SDR42E1: variants seen among roughly 807,000 people sequenced by gnomAD.
SDR42E1 encodes short-chain dehydrogenase/reductase family 42E member 1.
In SDR42E1, 5 loss-of-function variants were observed where a neutral mutation model predicts 2.6. That is an observed-to-expected ratio of 1.94 (90% CI 1.01 to 4.08). The LOEUF (loss-of-function observed/expected upper bound fraction) is 4.08, where lower values mean the gene tolerates loss of function less well. Among genes scored for constraint, SDR42E1 ranks in the 30% most tolerant of loss-of-function variants. The pLI, the probability that SDR42E1 is intolerant of heterozygous loss-of-function variation, is 0.00. For missense variants in SDR42E1, 596 were observed against 478.6 expected (o/e 1.25, Z -2.29); for synonymous variants, 231 against 188.3 (o/e 1.23, Z -1.86).
rs1489899027 is a variant in SDR42E1, at chr16:81,998,782, G to A, written c.*329C>T. 1 of 287,332 alleles carries A rather than the reference G, an allele frequency of 3.5e-6. No individual in the cohort carries two copies. Among genetic ancestry groups the A allele is most frequent in the Admixed American group, 4.8e-5 (1 of 20,724 alleles). The allele number at this position is 287,332 out of a possible 1,614,324, so 17.8% of individuals were successfully genotyped here. On this transcript the variant is annotated 3_prime_UTR_variant, in exon 3 of 3. Coordinates refer to ENST00000328945, the MANE Select transcript of SDR42E1 (RefSeq NM_145168.3). ...TGCAGACTGCATAAAATGGAAATAA[G>A]TATATCTTGCCCTCTCAGAAATTCA... is the stretch of plus-strand genomic sequence containing the variant.
rs139909981 is a variant in SDR42E1, at chr16:81,992,475, C to T, written c.*6636G>A. ...CCTAGTGACTGTTAAGAGCAAAAGA[C>T]GACTCATTCTTATAACATATATACA... On this transcript the variant is annotated 3_prime_UTR_variant, in exon 3 of 3. Transcript: ENST00000328945. 17 of 152,118 alleles carry T rather than the reference C, an allele frequency of 1.1e-4. No homozygotes were observed. The East Asian group carries it at 1.5e-3, about 14-fold the overall frequency. The allele number at this position is 152,118 out of a possible 1,614,324, so 9.4% of individuals were successfully genotyped here.
rs1188470586 is a variant in SDR42E1 at position 81,998,991 on chromosome 16, C to T, written c.*120G>A. On this transcript the variant is annotated 3_prime_UTR_variant, in exon 3 of 3. Coordinates refer to ENST00000328945, the MANE Select transcript of SDR42E1 (RefSeq NM_145168.3). The stretch of plus-strand genomic sequence containing the variant: ...TAAAGATTCAATCCAAGAACCTATT[C>T]TTAAGTAGCAATTTGAAGAGCCAAT... The T allele has an allele frequency of 3.9e-6, 4 of 1,027,796 alleles. No individual in the cohort carries two copies. The highest frequency in any genetic ancestry group is 4.2e-6 in the Non-Finnish European group (3 of 717,414). 63.7% of individuals were successfully genotyped at this position (1,027,796 alleles called of 1,614,324 possible). A position where few individuals can be genotyped will look rare whatever the true frequency, so the allele number is the denominator to read the frequency against.
chr16:82,011,022 C>T (rs1161645889), intron 1 of SDR42E1, among the ~76,000 whole-genome samples: 2 of 152,148 alleles, frequency 1.3e-5, no homozygotes, highest in Non-Finnish European at 2.9e-5. Flanking sequence ...AAGTGGCAAA[C>T]CAGAACCAAG....
In SDR42E1 at chr16:81,998,459, T is replaced by G. The variant is rs1404808588; in HGVS notation, c.*652A>C. The G allele has an allele frequency of 6.6e-6, 1 of 152,532 alleles. No homozygotes were observed. The highest frequency in any genetic ancestry group is 1.5e-5 in the Non-Finnish European group (1 of 68,342). The allele number at this position is 152,532 out of a possible 1,614,324, so 9.4% of individuals were successfully genotyped here. A position where few individuals can be genotyped will look rare whatever the true frequency, so the allele number is the denominator to read the frequency against. On this transcript the variant is annotated 3_prime_UTR_variant, in exon 3 of 3. Transcript: ENST00000328945. Reference sequence around the variant, plus strand: ...TTCTGATAAAAAGAATGGCTATGTGTGTTGAGGAGCGCTTTGTATGCTTGA... The same window carrying G: ...TTCTGATAAAAAGAATGGCTATGTGGGTTGAGGAGCGCTTTGTATGCTTGA...
chr16:82,002,265 G>T (rs1379114587), intron 1 of SDR42E1, among the ~76,000 whole-genome samples: 2 of 152,104 alleles, frequency 1.3e-5, no homozygotes, highest in African/African-American at 4.8e-5. Flanking sequence ...AAAAATATGG[G>T]GGACAGGAAT....
At chr16:82,004,907 C>T (rs1264144191) in intron 1 of SDR42E1, among the ~76,000 whole-genome samples, 1 of 152,130 alleles carries the variant, frequency 6.6e-6, no homozygotes, top group Non-Finnish European at 1.5e-5. Flanking sequence ...GCGTGCTGCA[C>T]CCAGGTGATG....
chr16:82,008,034 C>T (rs1026125560), intron 1 of SDR42E1, among the ~76,000 whole-genome samples: 38 of 152,106 alleles, frequency 2.5e-4, no homozygotes, highest in African/African-American at 5.8e-4. Context: ...ATCATGGGGG[C>T]GGGTCTTTCC....
chr16:81,992,008 T>A lies in SDR42E1; in HGVS notation c.*7103A>T. Reference sequence around the variant, plus strand: ...AAATCACCGCTAATTAAACAAAAATTAGCCGGTTGTGGTGGTGGGCGCCTG... The same window carrying A: ...AAATCACCGCTAATTAAACAAAAATAAGCCGGTTGTGGTGGTGGGCGCCTG... On this transcript the variant is annotated 3_prime_UTR_variant, in exon 3 of 3. Coordinates refer to ENST00000328945, the MANE Select transcript of SDR42E1 (RefSeq NM_145168.3). 6.6e-6 allele frequency: 1 copy of A among 151,962 alleles called. No individual in the cohort carries two copies. Among genetic ancestry groups the A allele is most frequent in the Non-Finnish European group, 1.5e-5 (1 of 68,002 alleles). The allele number at this position is 151,962 out of a possible 1,614,324, so 9.4% of individuals were successfully genotyped here. A position where few individuals can be genotyped will look rare whatever the true frequency, so the allele number is the denominator to read the frequency against.
chr16:82,009,371 G>A (rs1882551401), intron 1 of SDR42E1, among the ~76,000 whole-genome samples: 1 of 152,232 alleles, frequency 6.6e-6, no homozygotes, highest in African/African-American at 2.4e-5. Flanking sequence ...GCCAGCCCTG[G>A]AAGCAGCCAA....
intron 1 of SDR42E1, among the ~76,000 whole-genome samples, chr16:82,004,064 G>GAGAC (rs1285203377): frequency 1.3e-5 from 2 of 152,212 alleles, no homozygotes; most frequent in African/African-American, 4.8e-5. Flanking sequence ...AAACCCAAAC[G>GAGAC]AGACAGAGGT....
At chr16:82,008,645 G>C (rs1284083052) in intron 1 of SDR42E1, among the ~76,000 whole-genome samples, 1 of 152,208 alleles carries the variant, frequency 6.6e-6, no homozygotes, top group East Asian at 1.9e-4. Flanking sequence ...TCTGGGGTAA[G>C]AAATTTCTAA....
rs1347459054 is a variant in SDR42E1, at chr16:81,996,315, A to G, written c.*2796T>C. 2 of 152,260 alleles carry G rather than the reference A, an allele frequency of 1.3e-5. No homozygotes were observed. Among genetic ancestry groups the G allele is most frequent in the African/African-American group, 4.8e-5 (2 of 41,446 alleles). 9.4% of individuals were successfully genotyped at this position (152,260 alleles called of 1,614,324 possible). A position where few individuals can be genotyped will look rare whatever the true frequency, so the allele number is the denominator to read the frequency against. ...AATCTATGGGAGAGAAGGTACACCT[A>G]TACCTTGGGCAGTTTTAAGGCATGA... On this transcript the variant is annotated 3_prime_UTR_variant, in exon 3 of 3. Coordinates refer to ENST00000328945, the MANE Select transcript of SDR42E1 (RefSeq NM_145168.3).
rs1372682433 is a variant in SDR42E1 at position 81,999,796 on chromosome 16, G to A, written c.497C>T (p.Ala166Val). 2 of 1,614,074 alleles carry A rather than the reference G, an allele frequency of 1.2e-6. No homozygotes were observed. The highest frequency in any genetic ancestry group is 1.3e-5 in the African/African-American group (1 of 74,930). The change falls in exon 3 of 3, where the codon GCG becomes GTG. Residue 166 changes from alanine (A) to valine (V), a missense_variant. Ala to Val is a moderately conservative substitution (Grantham distance 64, BLOSUM62 0). Coordinates refer to ENST00000328945, the MANE Select transcript of SDR42E1 (RefSeq NM_145168.3). ...GCCTCTGTCCAGGGGTGTAGCATTC[G>A]CCTCCAGCACCTTCTGCTCTGCAAT... ...KSIAEQKVLE[A>V]NATPLDRGDG...
chr16:81,999,089 C>A lies in SDR42E1; in HGVS notation c.*22G>T. ...GAGAACCATCTCAGCCAACTGTGAT[C>A]ACCTTATTTCTGGCCCCTCCTTCAC... On this transcript the variant is annotated 3_prime_UTR_variant, in exon 3 of 3. Transcript: ENST00000328945. 6.2e-7 allele frequency: 1 copy of A among 1,601,632 alleles called. No homozygotes were observed. Among genetic ancestry groups the A allele is most frequent in the Admixed American group, 1.7e-5 (1 of 58,576 alleles).
Position 81,991,270 on chromosome 16 carries a change from G to A in SDR42E1, c.*7841C>T, listed in dbSNP as rs1353251028. ...TACATACTCACATGACAAAATAATG[G>A]TTTGCTTCTGTAACTTAGTTTGTGT... On this transcript the variant is annotated 3_prime_UTR_variant, in exon 3 of 3. Transcript: ENST00000328945. 1 of 152,068 alleles carries A rather than the reference G, an allele frequency of 6.6e-6. No individual in the cohort carries two copies. Among genetic ancestry groups the A allele is most frequent in the Non-Finnish European group, 1.5e-5 (1 of 68,018 alleles). 9.4% of individuals were successfully genotyped at this position (152,068 alleles called of 1,614,324 possible). A position where few individuals can be genotyped will look rare whatever the true frequency, so the allele number is the denominator to read the frequency against.
chr16:82,000,423 A>G (rs1473391308), intron 2 of SDR42E1, 199 bp from the exon 3 acceptor site: 2 of 733,142 alleles, frequency 2.7e-6, no homozygotes, highest in Non-Finnish European at 4.8e-6. Context: ...ATCTACTTAA[A>G]TTACAAAGAG....
In SDR42E1 at chr16:81,992,513, T is replaced by C. The variant is rs1912450512; in HGVS notation, c.*6598A>G. The C allele has an allele frequency of 6.6e-6, 1 of 151,632 alleles. No homozygotes were observed. Among genetic ancestry groups the C allele is most frequent in the South Asian group, 2.1e-4 (1 of 4,824 alleles). 9.4% of individuals were successfully genotyped at this position (151,632 alleles called of 1,614,324 possible). On this transcript the variant is annotated 3_prime_UTR_variant, in exon 3 of 3. Transcript: ENST00000328945. ...TAACATATATACATATGTTAAAATA[T>C]ATATATGGGTAAGACAGTATTTTAC...
In SDR42E1 at chr16:81,990,173, G is replaced by C. The variant is rs1410414659; in HGVS notation, c.*8938C>G. ...CAAAAGACGACAGAAAAATTAGCTA[G>C]GTGTGCTGGTGCACCTGTGGTTCTA... is the stretch of plus-strand genomic sequence containing the variant. On this transcript the variant is annotated 3_prime_UTR_variant, in exon 3 of 3. Transcript: ENST00000328945. 6.6e-6 allele frequency: 1 copy of C among 152,268 alleles called. No homozygotes were observed. Among genetic ancestry groups the C allele is most frequent in the African/African-American group, 2.4e-5 (1 of 41,428 alleles). 9.4% of individuals were successfully genotyped at this position (152,268 alleles called of 1,614,324 possible).
chr16:82,000,122 G>A lies in SDR42E1; in HGVS notation c.171C>T (p.Asp57=), dbSNP rs1411087018. ...TCTCTACGTCAGACAGGTGGCGGATGTCTCCTTGTATAAACTTGATTCCTT... is the reference window on the plus strand; with the variant it reads ...TCTCTACGTCAGACAGGTGGCGGATATCTCCTTGTATAAACTTGATTCCTT... ...IPEGIKFIQG[D]IRHLSDVEKA... is the part of the protein sequence containing the mutation. The change falls in exon 3 of 3, where the codon GAC becomes GAT. Residue 57 remains aspartate, a synonymous_variant. Transcript: ENST00000328945. 2.5e-6 allele frequency: 4 copies of A among 1,614,108 alleles called. No individual in the cohort carries two copies. Among genetic ancestry groups the A allele is most frequent in the South Asian group, 2.2e-5 (2 of 91,092 alleles).
Sources: allele counts gnomAD v4.1 joint callset (sites outside exome capture counted in the v4.1 genomes callset), GRCh38; gene constraint gnomAD v4.1.1; transcripts MANE v1.5; gene names NCBI Gene and HGNC (gene_info 2026-07-23, HGNC 2026-07-21).